GRM5: variants seen among roughly 807,000 people sequenced by gnomAD.
GRM5 encodes the protein metabotropic glutamate receptor 5.
Under a neutral mutation model 83.1 loss-of-function variants are expected in GRM5, and 19 were observed. That is an observed-to-expected ratio of 0.23 (90% confidence interval 0.16 to 0.34). The LOEUF is 0.34. GRM5 is among the 10% of genes least tolerant of loss of function. The probability of loss-of-function intolerance (pLI) is 1.00; values close to 1 mark genes in which losing one functional copy is unlikely to be tolerated. For synonymous variants in GRM5, 675 were observed against 633.6 expected (o/e 1.07, Z -0.98); for missense variants, 1,160 against 1,588.3 (o/e 0.73, Z 4.58).
intron 2 of GRM5, among the ~76,000 whole-genome samples, chr11:88,932,877 G>C (rs1426558498): frequency 4.0e-5 from 6 of 151,848 alleles, no homozygotes; most frequent in Non-Finnish European, 8.8e-5. Context: ...CGAAATGCCT[G>C]GTAGGATTTC....
chr11:88,921,284 G>A (rs1363908648), intron 2 of GRM5, among the ~76,000 whole-genome samples: 1 of 152,082 alleles, frequency 6.6e-6, no homozygotes, highest in Non-Finnish European at 1.5e-5. Flanking sequence ...ATGCTGAAAA[G>A]GCATTTGATA....
chr11:88,923,839 A>AATAT (rs34547887), intron 2 of GRM5, among the ~76,000 whole-genome samples: 8 of 150,762 alleles, frequency 5.3e-5, no homozygotes, highest in African/African-American at 9.7e-5. Context: ...CGTATACCTG[A>AATAT]ATATATATAT....
At chr11:88,912,031 C>T (rs534320457) in intron 2 of GRM5, 60 of 469,648 alleles carry the variant, frequency 1.3e-4, no homozygotes, top group African/African-American at 1.0e-3. Context: ...TGAGAAGTCA[C>T]AAATAAGTAT....
intron 3 of GRM5, among the ~76,000 whole-genome samples, chr11:88,751,039 C>A (rs1442410685): frequency 2.1e-5 from 1 of 47,844 alleles, no homozygotes. Flanking sequence ...ACTAGAGAAA[C>A]AAGAGGAAAC....
chr11:88,648,517 G>C (rs1289888360), intron 4 of GRM5, among the ~76,000 whole-genome samples: 1 of 97,302 alleles, frequency 1.0e-5, no homozygotes, highest in Non-Finnish European at 2.1e-5. Flanking sequence ...GTGGGGGGAG[G>C]GGGGAGGGAT....
At chr11:88,966,404 T>TAA (rs5793372) in intron 2 of GRM5, among the ~76,000 whole-genome samples, 7 of 151,540 alleles carry the variant, frequency 4.6e-5, no homozygotes, top group African/African-American at 1.7e-4. Context: ...AAAAGCAGTT[T>TAA]AAAAAAAAGC....
chr11:88,997,088 G>T (rs1303806980), intron 2 of GRM5, among the ~76,000 whole-genome samples: 12 of 152,240 alleles, frequency 7.9e-5, no homozygotes, highest in East Asian at 5.8e-4. Flanking sequence ...AGTTTGGGAG[G>T]CTGAGGCAGG....
At chr11:88,564,606 C>T (rs1942832511) in intron 8 of GRM5, among the ~76,000 whole-genome samples, 1 of 152,126 alleles carries the variant, frequency 6.6e-6, no homozygotes, top group African/African-American at 2.4e-5. Context: ...TAAGAGTGTG[C>T]ACATTTGAAG....
intron 2 of GRM5, among the ~76,000 whole-genome samples, chr11:89,040,150 A>G: frequency 6.6e-6 from 1 of 152,130 alleles, no homozygotes; most frequent in East Asian, 1.9e-4. Context: ...TAAAAAAAAA[A>G]GATGCAAGGA....
chr11:88,685,566 T>C (rs1940600439), intron 3 of GRM5, among the ~76,000 whole-genome samples: 3 of 152,180 alleles, frequency 2.0e-5, no homozygotes, highest in Admixed American at 2.0e-4. Context: ...CCAAGGCATG[T>C]CAGAGATCTT....
At chr11:88,876,592 T>C (rs1415938157) in intron 2 of GRM5, among the ~76,000 whole-genome samples, 4 of 152,110 alleles carry the variant, frequency 2.6e-5, no homozygotes, top group African/African-American at 9.7e-5. Context: ...CTCATTAAGC[T>C]TAATCATTTC....
Position 88,813,325 on chromosome 11 carries a change from A to G in GRM5, c.911+36581T>C, listed in dbSNP as rs78697601. ...GTGCATGAATGATTAATGGAACAGC[A>G]CAAAGGGGAGCACCCCAGGCTGGGG... On this transcript the variant is annotated intron_variant, in intron 3 of 9. Transcript: ENST00000305447. Among the ~76,000 whole-genome samples, 1,070 of 152,150 alleles carry G rather than the reference A, an allele frequency of 7.0e-3. 14 individuals are homozygous for G. The highest frequency in any genetic ancestry group is 0.024 in the African/African-American group (1,010 of 41,400).
At chr11:88,516,568 GT>G (rs1427433477) in intron 9 of GRM5, among the ~76,000 whole-genome samples, 1 of 152,182 alleles carries the variant, frequency 6.6e-6, no homozygotes, top group Non-Finnish European at 1.5e-5. Flanking sequence ...ACTCCTTTCT[GT>G]CTTACAGCAC....
chr11:88,793,810 T>A (rs1350597269), intron 3 of GRM5, among the ~76,000 whole-genome samples: 1 of 151,972 alleles, frequency 6.6e-6, no homozygotes, highest in Non-Finnish European at 1.5e-5. Flanking sequence ...CAGAGAAGAC[T>A]GTTTTTTTTG....
At chr11:88,530,421 T>C (rs1565326501) in intron 8 of GRM5, among the ~76,000 whole-genome samples, 2 of 152,154 alleles carry the variant, frequency 1.3e-5, no homozygotes, top group East Asian at 3.9e-4. Context: ...AAATAAGTTT[T>C]GCTTATCTTC....
intron 4 of GRM5, among the ~76,000 whole-genome samples, chr11:88,628,238 A>G (rs1186872733): frequency 6.6e-6 from 1 of 152,198 alleles, no homozygotes; most frequent in East Asian, 1.9e-4. Flanking sequence ...TATCATGTGT[A>G]ACCTTGTATT....
intron 2 of GRM5, among the ~76,000 whole-genome samples, chr11:88,998,971 A>G (rs1368800058): frequency 1.3e-5 from 2 of 152,204 alleles, no homozygotes; most frequent in Non-Finnish European, 2.9e-5. Context: ...AAACCTGACA[A>G]AAACAAGAAA....
intron 3 of GRM5, among the ~76,000 whole-genome samples, chr11:88,685,126 ATGGCTTTGAC>A: frequency 6.6e-6 from 1 of 152,322 alleles, no homozygotes; most frequent in Non-Finnish European, 1.5e-5. Context: ...GACTTGCTGA[ATGGCTTTGAC>A]CAAAAGCCTG....
intron 7 of GRM5, among the ~76,000 whole-genome samples, chr11:88,571,594 G>T (rs536600229): frequency 6.6e-6 from 1 of 152,168 alleles, no homozygotes; most frequent in Non-Finnish European, 1.5e-5. Context: ...AAGATTTTGA[G>T]TCAGTACATT....
Sources: allele counts gnomAD v4.1 joint callset (sites outside exome capture counted in the v4.1 genomes callset), GRCh38; gene constraint gnomAD v4.1.1; transcripts MANE v1.5; gene names NCBI Gene and HGNC (gene_info 2026-07-23, HGNC 2026-07-21).